Variants in MYH16 observed in about 807,000 individuals in gnomAD.
MYH16 encodes the protein myosin heavy chain 16.
At chr7:99,250,931 A>G (rs528372247) in intron 5 of MYH16, among the ~76,000 whole-genome samples, 7 of 152,240 alleles carry the variant, frequency 4.6e-5, no homozygotes, top group Non-Finnish European at 8.8e-5. Flanking sequence ...CCAGGTTACT[A>G]CATGTAGCCC....
At position 99,262,342 on chromosome 7, in the gene MYH16, C is replaced by G. The variant is rs577780859; in HGVS notation, n.1755+709C>G. On this transcript the variant is annotated intron_variant and non_coding_transcript_variant, in intron 13 of 41. Transcript: ENST00000439784. ...GGAAAGTCATGATGGCATTGGGCAT[C>G]AGGGCCAAGGCTTTATGATACCATC... Among the ~76,000 whole-genome samples, 7 of 152,336 alleles carry G rather than the reference C, an allele frequency of 4.6e-5. No homozygotes were observed. The South Asian group carries it at 1.4e-3, about 32-fold the overall frequency.
exon 30 of MYH16, chr7:99,289,377 A>G (rs968594266): frequency 4.5e-6 from 2 of 445,220 alleles, no homozygotes; most frequent in Non-Finnish European, 4.5e-6. Flanking sequence ...CCAAGCAGAA[A>G]TCAATGCCAT....
chr7:99,273,885 G>A (rs975446470), intron 20 of MYH16, among the ~76,000 whole-genome samples: 3 of 151,390 alleles, frequency 2.0e-5, no homozygotes, highest in African/African-American at 7.3e-5. Context: ...AAGGAAGGGA[G>A]AGATGAAAGG....
At chr7:99,278,275 G>C (rs1296755845) in intron 21 of MYH16, among the ~76,000 whole-genome samples, 1 of 152,078 alleles carries the variant, frequency 6.6e-6, no homozygotes, top group Non-Finnish European at 1.5e-5. Flanking sequence ...ACAGCAGCAG[G>C]CTGGGCACAC....
intron 37 of MYH16, among the ~76,000 whole-genome samples, chr7:99,300,342 T>C (rs1792572909): frequency 6.6e-6 from 1 of 152,206 alleles, no homozygotes; most frequent in Admixed American, 6.5e-5. Flanking sequence ...AAAACTCATA[T>C]ACCCACTACT....
At chr7:99,309,249 G>A (rs2150842639), downstream of MYH16, among the ~76,000 whole-genome samples, 1 of 152,276 alleles carries the variant, frequency 6.6e-6, no homozygotes, top group East Asian at 1.9e-4. Flanking sequence ...CGTGGCTTCT[G>A]GGAATTATAT....
chr7:99,292,361 A>G (rs951517862), exon 32 of MYH16: 6 of 456,764 alleles, frequency 1.3e-5, no homozygotes, highest in African/African-American at 4.0e-5. Context: ...CACGACCTGG[A>G]CCTAGTAAAG....
At chr7:99,269,844 C>T (rs1353706466) in intron 18 of MYH16, among the ~76,000 whole-genome samples, 3 of 146,506 alleles carry the variant, frequency 2.0e-5, no homozygotes, top group Admixed American at 6.8e-5. Flanking sequence ...CTTGGCTATA[C>T]ATTAGACTCA....
chr7:99,279,334 G>A (rs1031133844), intron 21 of MYH16, among the ~76,000 whole-genome samples, 176 bp from the exon 4 acceptor site: 16 of 148,252 alleles, frequency 1.1e-4, no homozygotes. Flanking sequence ...ACTCCAGCCT[G>A]GGCAACAAAG....
chr7:99,242,650 T>A (rs1157084805), intron 1 of MYH16, among the ~76,000 whole-genome samples: 1 of 152,084 alleles, frequency 6.6e-6, no homozygotes, highest in Non-Finnish European at 1.5e-5. Flanking sequence ...AAAATAAAAT[T>A]AAATTAAAAA....
At chr7:99,289,262 C>T in intron 29 of MYH16, 25 bp from the exon 11 acceptor site, 1 of 317,168 alleles carries the variant, frequency 3.2e-6, no homozygotes, top group South Asian at 2.2e-5. Context: ...GCAACTTCCC[C>T]ACTGAGTTCA....
intron 41 of MYH16, 128 bp downstream of exon 22, chr7:99,306,164 C>T (rs548849046): frequency 2.6e-4 from 39 of 152,434 alleles, no homozygotes; most frequent in African/African-American, 8.9e-4. Flanking sequence ...CTCTGCGAGG[C>T]TCATGTCCAT....
intron 1 of MYH16, among the ~76,000 whole-genome samples, chr7:99,240,862 A>G (rs553380977): frequency 6.0e-5 from 9 of 150,764 alleles, no homozygotes; most frequent in Middle Eastern, 3.4e-3. Context: ...AGGAAGCCAG[A>G]GACCTCAGTG....
At chr7:99,305,937 CCAGA>C (rs1792671720) in exon 41 of MYH16, 1 of 152,680 alleles carries the variant, frequency 6.5e-6, no homozygotes, top group African/African-American at 2.4e-5. Context: ...AGCTGGTCTT[CCAGA>C]CAGAGGAGGA....
At chr7:99,308,196 G>A (rs2150841939), downstream of MYH16, among the ~76,000 whole-genome samples, 1 of 149,148 alleles carries the variant, frequency 6.7e-6, no homozygotes, top group East Asian at 2.1e-4. Flanking sequence ...TCGGGAGGCT[G>A]AGGCACTAGA....
chr7:99,273,584 G>T (rs1488982733), intron 20 of MYH16, among the ~76,000 whole-genome samples, 161 bp downstream of exon 2: 2 of 152,118 alleles, frequency 1.3e-5, no homozygotes, highest in African/African-American at 4.8e-5. Context: ...TCCAGACAGG[G>T]ACTAATTCCT....
intron 38 of MYH16, among the ~76,000 whole-genome samples, chr7:99,302,311 A>AAAAT (rs1298937302): frequency 6.4e-5 from 7 of 109,568 alleles, no homozygotes; most frequent in African/African-American, 2.3e-4. Context: ...AAAAAAAAAA[A>AAAAT]ATATATACAC....
intron 20 of MYH16, among the ~76,000 whole-genome samples, chr7:99,276,947 AAGAC>A (rs1286487158): frequency 1.3e-5 from 2 of 151,946 alleles, no homozygotes; most frequent in African/African-American, 2.4e-5. Flanking sequence ...GACAGAGAGA[AAGAC>A]AGAAACAGAA....
intron 3 of MYH16, chr7:99,248,983 C>G (rs1213047840): frequency 2.0e-5 from 3 of 152,682 alleles, no homozygotes; most frequent in African/African-American, 7.2e-5. Context: ...TTGTTTTCTT[C>G]CCTACAGATC....
Sources: gnomAD v4.1 joint callset for allele counts (sites outside exome capture counted in the v4.1 genomes callset) on GRCh38, gnomAD v4.1.1 for gene constraint, MANE v1.5 for transcripts, NCBI Gene and HGNC (gene_info 2026-07-23, HGNC 2026-07-21) for gene names.